FOXO1: variants seen among roughly 807,000 people sequenced by gnomAD.
The protein encoded by FOXO1 is forkhead box protein O1.
Under a neutral mutation model 44.1 loss-of-function variants are expected in FOXO1, and 6 were observed. That is an observed-to-expected ratio of 0.14 (90% CI 0.07 to 0.27). FOXO1 has a LOEUF of 0.27. Ranked by LOEUF, FOXO1 falls within the 10% of genes least tolerant of loss-of-function variation. FOXO1 has a pLI of 1.00. For missense variants in FOXO1, 737 were observed against 888.8 expected (o/e 0.83, Z 2.17); for synonymous variants, 380 against 362.7 (o/e 1.05, Z -0.54).
chr13:40,611,510 T>TA (rs1338381298), intron 1 of FOXO1, among the ~76,000 whole-genome samples: 1 of 152,202 alleles, frequency 6.6e-6, no homozygotes, highest in Non-Finnish European at 1.5e-5. Flanking sequence ...TTAAAACAGT[T>TA]ACGCCATAAT....
At chr13:40,654,723 C>T (rs958898026) in intron 1 of FOXO1, among the ~76,000 whole-genome samples, 2 of 152,068 alleles carry the variant, frequency 1.3e-5, no homozygotes. Context: ...AACAGCACTT[C>T]CCAGATGAGG....
intron 1 of FOXO1, among the ~76,000 whole-genome samples, chr13:40,623,336 A>G (rs542426761): frequency 6.6e-6 from 1 of 152,284 alleles, no homozygotes; most frequent in South Asian, 2.1e-4. Context: ...ACTATTATGA[A>G]AATCAACTTT....
chr13:40,614,489 G>T lies in FOXO1; in HGVS notation c.630+51094C>A, dbSNP rs1182231762. 2.6e-5 allele frequency among the ~76,000 whole-genome samples: 4 copies of T among 152,112 alleles called. No individual in the cohort carries two copies. The East Asian group carries it at 7.7e-4, about 29-fold the overall frequency. The stretch of plus-strand genomic sequence containing the variant: ...GCAGCCTGAAAACATGGTCAATGAC[G>T]TTTCATTTTGTAAAGAGGAAAACTA... On this transcript the variant is annotated intron_variant, in intron 1 of 2. Transcript: ENST00000379561.
chr13:40,560,882 T>C lies in FOXO1; in HGVS notation c.631-22A>G. 1.3e-6 allele frequency: 2 copies of C among 1,576,416 alleles called. No individual in the cohort carries two copies. The highest frequency in any genetic ancestry group is 1.7e-6 in the Non-Finnish European group (2 of 1,163,882). ...AATTCTGTAAGGCAAAACATCTTAT[T>C]AGAAGTACAATACTTCTCTGCTTGC... On this transcript the variant is annotated intron_variant, in intron 1 of 2. Transcript: ENST00000379561. This position sits in a 1 kb window ranked among gnomAD's most constrained non-coding sequence, Gnocchi z 5.1.
At chr13:40,650,432 A>T (rs1211534248) in intron 1 of FOXO1, among the ~76,000 whole-genome samples, 1 of 152,166 alleles carries the variant, frequency 6.6e-6, no homozygotes, top group Admixed American at 6.5e-5. Flanking sequence ...TCCTATTCAA[A>T]ATGGAGTTGC....
chr13:40,560,520 A>G lies in FOXO1; in HGVS notation c.971T>C (p.Ile324Thr). 1 of 1,614,134 alleles carries G rather than the reference A, an allele frequency of 6.2e-7. No homozygotes were observed. Among genetic ancestry groups the G allele is most frequent in the South Asian group, 1.1e-5 (1 of 91,082 alleles). Reference sequence around the variant, plus strand: ...CATAATGGGTGAGAGTCTCCCACTAATAGTACTAGCATTTGAGCTAGTTCG... The same window carrying G: ...CATAATGGGTGAGAGTCTCCCACTAGTAGTACTAGCATTTGAGCTAGTTCG... ...RPRTSSNAST[I>T]SGRLSPIMTE... The change falls in exon 2 of 3, where the codon ATT becomes ACT. Residue 324 changes from isoleucine (I) to threonine (T), a missense_variant. Ile to Thr is a moderately conservative substitution (Grantham distance 89, BLOSUM62 -1). This residue lies in a region of FOXO1 where 136 missense variants were observed against 186.4 expected (regional missense o/e 0.73). Transcript: ENST00000379561. The surrounding 1 kb of genome is among the most constrained non-coding windows in gnomAD (Gnocchi z 5.1).
chr13:40,634,132 T>C (rs1221741708), intron 1 of FOXO1, among the ~76,000 whole-genome samples: 5 of 152,340 alleles, frequency 3.3e-5, no homozygotes, highest in East Asian at 3.9e-4. Context: ...GACAGGTATA[T>C]GACAGGGTAC....
At chr13:40,619,891 A>G (rs1876551327) in intron 1 of FOXO1, 1 of 716,414 alleles carries the variant, frequency 1.4e-6, no homozygotes, top group Non-Finnish European at 2.6e-6. Context: ...TGTTTGGGAA[A>G]ATGGGGCTAG....
chr13:40,577,781 G>C (rs1874814587), intron 1 of FOXO1, among the ~76,000 whole-genome samples: 1 of 151,858 alleles, frequency 6.6e-6, no homozygotes, highest in Non-Finnish European at 1.5e-5. Flanking sequence ...GAACAGAACA[G>C]AGCCAAGCAG....
chr13:40,592,955 T>C (rs920516441), intron 1 of FOXO1, among the ~76,000 whole-genome samples: 5 of 152,164 alleles, frequency 3.3e-5, no homozygotes, highest in Admixed American at 3.3e-4. Context: ...AATAATTATG[T>C]TTATAACACC....
rs536152154 is a variant in FOXO1, at chr13:40,612,806, A to G, written c.631-51946T>C. 2.0e-5 allele frequency among the ~76,000 whole-genome samples: 3 copies of G among 152,320 alleles called. No homozygotes were observed. The East Asian group carries it at 5.8e-4, about 29-fold the overall frequency. On this transcript the variant is annotated intron_variant, in intron 1 of 2. Coordinates refer to ENST00000379561, the MANE Select transcript of FOXO1 (RefSeq NM_002015.4). ...GTTAATCTCTTACTCTGCCTAATGT[A>G]TAACTATCATAGGTATGTAGGTATA... is the stretch of plus-strand genomic sequence containing the variant.
intron 1 of FOXO1, among the ~76,000 whole-genome samples, chr13:40,561,943 C>CAAAAAAAAAAAAAAAAAA (rs60373589): frequency 1.5e-5 from 1 of 67,548 alleles, no homozygotes; most frequent in African/African-American, 5.2e-5. Flanking sequence ...ACTCTGTCGC[C>CAAAAAAAAAAAAAAAAAA]AAAAAAAAAA....
intron 1 of FOXO1, among the ~76,000 whole-genome samples, chr13:40,639,209 A>AC (rs1272353973): frequency 6.6e-6 from 1 of 152,154 alleles, no homozygotes; most frequent in Admixed American, 6.5e-5. Flanking sequence ...TTAAAAAAAA[A>AC]AACAACAACA....
Position 40,665,576 on chromosome 13 carries a change from C to T in FOXO1, c.630+7G>A. The T allele has an allele frequency of 7.1e-7, 1 of 1,405,756 alleles. No homozygotes were observed. Among genetic ancestry groups the T allele is most frequent in the East Asian group, 2.8e-5 (1 of 36,296 alleles). The allele number at this position is 1,405,756 out of a possible 1,614,324, so 87.1% of individuals were successfully genotyped here. A position where few individuals can be genotyped will look rare whatever the true frequency, so the allele number is the denominator to read the frequency against. The stretch of plus-strand genomic sequence containing the variant: ...CCAAGGTCCGGCCGCGCGCCGAGTC[C>T]ACTCACCTTCCAGCCCGCCGAGCTG... On this transcript the variant is annotated splice_region_variant and intron_variant, in intron 1 of 2. Transcript: ENST00000379561.
chr13:40,637,273 T>C (rs542871607), intron 1 of FOXO1, among the ~76,000 whole-genome samples: 12 of 151,630 alleles, frequency 7.9e-5, no homozygotes, highest in Non-Finnish European at 1.6e-4. Flanking sequence ...TGAAACCCCG[T>C]CTCTACTAAA....
chr13:40,660,778 T>A (rs1195404204), intron 1 of FOXO1, among the ~76,000 whole-genome samples: 1 of 152,078 alleles, frequency 6.6e-6, no homozygotes, highest in Admixed American at 6.6e-5. Context: ...CAAGTGTTTG[T>A]CACTTAAAAA....
intron 1 of FOXO1, among the ~76,000 whole-genome samples, chr13:40,599,986 C>T (rs916541662): frequency 7.9e-5 from 12 of 152,148 alleles, no homozygotes; most frequent in African/African-American, 2.9e-4. Flanking sequence ...TGGTTCCAGC[C>T]AACCAGGGGA....
At chr13:40,642,507 T>C (rs1402611512) in intron 1 of FOXO1, among the ~76,000 whole-genome samples, 1 of 152,230 alleles carries the variant, frequency 6.6e-6, no homozygotes, top group Non-Finnish European at 1.5e-5. Context: ...AGATGACAGA[T>C]ATAAGCTTGG....
rs898368717 is a variant in FOXO1, at chr13:40,663,076, C to A, written c.630+2507G>T. On this transcript the variant is annotated intron_variant, in intron 1 of 2. Coordinates refer to ENST00000379561, the MANE Select transcript of FOXO1 (RefSeq NM_002015.4). ...CAGACTTAAACCAACTGACATTACA[C>A]CTGAAACACTTACTCATTTGAGAAA... 2.3e-4 allele frequency among the ~76,000 whole-genome samples: 35 copies of A among 152,202 alleles called. 1 individual carries two copies. Among genetic ancestry groups the A allele is most frequent in the Non-Finnish European group, 1.5e-5 (1 of 68,040 alleles).
Sources: gnomAD v4.1 joint callset for allele counts (sites outside exome capture counted in the v4.1 genomes callset) on GRCh38, gnomAD v4.1.1 for gene constraint, gnomAD v4.1.1 regional missense constraint, Gnocchi (gnomAD v3.1) non-coding constraint, MANE v1.5 for transcripts, NCBI Gene and HGNC (gene_info 2026-07-23, HGNC 2026-07-21) for gene names.